NDUFAF6: variants seen among roughly 807,000 people sequenced by gnomAD.
NDUFAF6 encodes NADH dehydrogenase (ubiquinone) complex I, assembly factor 6.
NDUFAF6 carries 45 observed loss-of-function variants against 40.8 expected under a neutral mutation model. The observed-to-expected ratio is 1.10, with a 90% CI of 0.87 to 1.42. The LOEUF (loss-of-function observed/expected upper bound fraction) is 1.42, where lower values mean the gene tolerates loss of function less well. NDUFAF6 is among the 40% of genes most tolerant of loss of function. The pLI, the probability that NDUFAF6 is intolerant of heterozygous loss-of-function variation, is 0.00. For synonymous variants in NDUFAF6, 185 were observed against 155.9 expected (o/e 1.19, Z -1.39); for missense variants, 435 against 418.5 (o/e 1.04, Z -0.34).
intron 2 of NDUFAF6, among the ~76,000 whole-genome samples, chr8:94,947,341 T>C (rs1463933406): frequency 6.6e-6 from 1 of 151,614 alleles, no homozygotes; most frequent in Non-Finnish European, 1.5e-5. Flanking sequence ...CTGTGTACAG[T>C]TGTGGCTCCT....
Position 95,050,352 on chromosome 8 carries a change from G to A in NDUFAF6, c.816+1794G>A, listed in dbSNP as rs566250771. On this transcript the variant is annotated intron_variant, in intron 7 of 8. Coordinates refer to ENST00000396124, the MANE Select transcript of NDUFAF6 (RefSeq NM_152416.4). ...AACATGGTCCTGGGAGATAGGTTTG[G>A]AATGGTGGATTGAAGAGATTATGGA... Among the ~76,000 whole-genome samples the A allele has an allele frequency of 1.4e-3, 209 of 152,312 alleles. 1 individual carries two copies. Among genetic ancestry groups the A allele is most frequent in the Non-Finnish European group, 2.4e-3 (161 of 68,018 alleles).
At chr8:94,917,073 T>C (rs543523349) in intron 1 of NDUFAF6, among the ~76,000 whole-genome samples, 1 of 138,692 alleles carries the variant, frequency 7.2e-6, no homozygotes, top group South Asian at 2.2e-4. Flanking sequence ...ACCACACCTC[T>C]GCACTCCAGC....
intron 1 of NDUFAF6, among the ~76,000 whole-genome samples, chr8:94,912,674 G>A (rs546881323): frequency 4.0e-5 from 6 of 151,738 alleles, no homozygotes; most frequent in South Asian, 2.1e-4. Flanking sequence ...TTAGCTGGGC[G>A]TGGTGGCGGG....
chr8:94,935,118 G>GATATA (rs1245963948), intron 1 of NDUFAF6, among the ~76,000 whole-genome samples: 30 of 133,284 alleles, frequency 2.3e-4, no homozygotes, highest in Non-Finnish European at 3.6e-4. Context: ...TAGGTACATA[G>GATATA]GTAGATAGAT....
chr8:94,912,812 CAAA>C (rs11294663), intron 1 of NDUFAF6, among the ~76,000 whole-genome samples: 5 of 118,112 alleles, frequency 4.2e-5, no homozygotes, highest in Non-Finnish European at 1.8e-5. Flanking sequence ...GACTCCGTCT[CAAA>C]AAAAAAAAAA....
intron 1 of NDUFAF6, chr8:94,974,701 G>A (rs1824773654): frequency 6.1e-6 from 1 of 165,258 alleles, no homozygotes; most frequent in East Asian, 1.8e-4. Flanking sequence ...GAGGTAGAAT[G>A]CCATAGGAGA....
At chr8:94,897,734 C>G (rs1416639391) in intron 1 of NDUFAF6, among the ~76,000 whole-genome samples, 1 of 136,058 alleles carries the variant, frequency 7.3e-6, no homozygotes, top group East Asian at 2.0e-4. Context: ...TATATCTCCT[C>G]TGTCGAAGCT....
At chr8:95,054,414 G>C (rs1437968666) in intron 8 of NDUFAF6, among the ~76,000 whole-genome samples, 1 of 148,734 alleles carries the variant, frequency 6.7e-6, no homozygotes, top group East Asian at 2.0e-4. Flanking sequence ...CTCGGGGGGT[G>C]GGGCCCAGTT....
rs145891908 is a variant in NDUFAF6 at position 94,905,807 on chromosome 8, G to T, written c.-936+9880G>T. 9.8e-4 allele frequency among the ~76,000 whole-genome samples: 150 copies of T among 152,300 alleles called. 1 individual carries two copies. The East Asian group carries it at 0.021, about 21-fold the overall frequency. On this transcript the variant is annotated intron_variant, in intron 1 of 14. Transcript: ENST00000396113. ...TGGGGATGGCTGGGATCCACCACCA[G>T]CTGGACTGCTGTGCAGTTTCTGGTG...
intron 1 of NDUFAF6, among the ~76,000 whole-genome samples, chr8:94,917,636 G>T (rs1819227148): frequency 1.3e-5 from 2 of 152,044 alleles, no homozygotes; most frequent in South Asian, 4.1e-4. Flanking sequence ...AAAAAATTTA[G>T]TGCATCAACA....
intron 1 of NDUFAF6, among the ~76,000 whole-genome samples, chr8:94,943,641 T>G (rs533757760): frequency 6.6e-6 from 1 of 152,226 alleles, no homozygotes; most frequent in Non-Finnish European, 1.5e-5. Flanking sequence ...GTAAAAGTAG[T>G]TGGGATCTGT....
At chr8:95,094,452 G>A (rs1409881318) in intron 2 of NDUFAF6, among the ~76,000 whole-genome samples, 1 of 111,818 alleles carries the variant, frequency 8.9e-6, no homozygotes, top group Non-Finnish European at 1.7e-5. Context: ...TCACTCTGTT[G>A]CCCAGGCTGG....
At chr8:95,082,881 C>T (rs567638884) in intron 2 of NDUFAF6, among the ~76,000 whole-genome samples, 14 of 152,088 alleles carry the variant, frequency 9.2e-5, no homozygotes, top group South Asian at 4.1e-4. Context: ...GGGATGGTTT[C>T]GATCTCCTGA....
chr8:95,038,682 CT>C (rs1448752857), intron 3 of NDUFAF6, among the ~76,000 whole-genome samples: 1 of 151,500 alleles, frequency 6.6e-6, no homozygotes, highest in African/African-American at 2.4e-5. Context: ...TAAATATTTT[CT>C]TTTTTTCTTT....
intron 1 of NDUFAF6, among the ~76,000 whole-genome samples, chr8:94,941,995 C>T (rs1586741777): frequency 6.6e-6 from 1 of 152,088 alleles, no homozygotes; most frequent in South Asian, 2.1e-4. Flanking sequence ...GCAGCAGCAG[C>T]TGGCAGTTAT....
Position 95,047,005 on chromosome 8 carries a change from C to T in NDUFAF6, c.592C>T (p.Leu198Phe), listed in dbSNP as rs1830847350. The change falls in exon 6 of 9, where the codon CTT (leucine) becomes TTT (phenylalanine). Residue 198 changes from leucine (L) to phenylalanine (F), a missense_variant. Leu to Phe is a conservative substitution (Grantham distance 22, BLOSUM62 0). Coordinates refer to ENST00000396124, the MANE Select transcript of NDUFAF6 (RefSeq NM_152416.4). ...LTLEILGIKD[L>F]HADHAASHIG... ...TTCTGAAATCATAGGTATAAAGGAT[C>T]TTCATGCAGATCATGCTGCAAGTCA... The T allele has an allele frequency of 1.2e-6, 2 of 1,613,976 alleles. No individual in the cohort carries two copies. Among genetic ancestry groups the T allele is most frequent in the East Asian group, 2.2e-5 (1 of 44,884 alleles).
chr8:94,966,848 G>A (rs993658005), intron 1 of NDUFAF6, among the ~76,000 whole-genome samples: 2 of 152,168 alleles, frequency 1.3e-5, no homozygotes, highest in African/African-American at 4.8e-5. Flanking sequence ...GGAAAAAGGT[G>A]TCTGCCAGCC....
intron 4 of NDUFAF6, among the ~76,000 whole-genome samples, chr8:95,113,283 G>A (rs545931410): frequency 3.3e-5 from 5 of 152,148 alleles, no homozygotes; most frequent in Non-Finnish European, 5.9e-5. Context: ...AGGGGCCTTC[G>A]AAAATTAAAT....
intron 1 of NDUFAF6, among the ~76,000 whole-genome samples, chr8:95,030,618 G>T (rs939133361): frequency 3.3e-5 from 5 of 152,110 alleles, no homozygotes; most frequent in Non-Finnish European, 7.4e-5. Flanking sequence ...CTTTTGAGAA[G>T]TTTCCTCCAT....
Sources: gnomAD v4.1 joint callset for allele counts (sites outside exome capture counted in the v4.1 genomes callset) on GRCh38, gnomAD v4.1.1 for gene constraint, MANE v1.5 for transcripts, NCBI Gene and HGNC (gene_info 2026-07-23, HGNC 2026-07-21) for gene names.